The following YKT6 variants were observed in gnomAD, a reference collection of about 807,000 sequenced individuals.
YKT6 encodes YKT6 vesicular SNARE protein.
In YKT6, 12 loss-of-function variants were observed where a neutral mutation model predicts 29.3. That is an observed-to-expected ratio of 0.41 (90% CI 0.26 to 0.66). The LOEUF is 0.66. YKT6 is among the 30% of genes least tolerant of loss of function. The pLI, the probability that YKT6 is intolerant of heterozygous loss-of-function variation, is 0.32. For synonymous variants in YKT6, 86 were observed against 94.3 expected (o/e 0.91, Z 0.51); for missense variants, 188 against 243.8 (o/e 0.77, Z 1.52).
At position 44,211,003 on chromosome 7, in the gene YKT6, CTCTTT is replaced by C. The variant is rs2128840725; in HGVS notation, c.460-13_460-9del. ...GGCACGTACTGAACAGAGCTGGATTCTCTTTTCTTTTTTGTCCAGCACAACACCAT... is the reference window on the plus strand; with the variant it reads ...GGCACGTACTGAACAGAGCTGGATTCTCTTTTTTGTCCAGCACAACACCAT... On this transcript the variant is annotated splice_polypyrimidine_tract_variant and intron_variant, in intron 5 of 6. Transcript: ENST00000223369. The C allele has an allele frequency of 1.2e-6, 2 of 1,613,084 alleles. No homozygotes were observed. The highest frequency in any genetic ancestry group is 3.4e-4 in the Middle Eastern group (2 of 5,816).
At chr7:44,205,081 G>A (rs1194974800) in intron 2 of YKT6, among the ~76,000 whole-genome samples, 1 of 152,142 alleles carries the variant, frequency 6.6e-6, no homozygotes, top group Non-Finnish European at 1.5e-5. Context: ...ATTTAGATGT[G>A]TATGTTATAC....
chr7:44,205,422 G>A (rs1323865696), intron 2 of YKT6, among the ~76,000 whole-genome samples: 5 of 152,182 alleles, frequency 3.3e-5, no homozygotes, highest in African/African-American at 9.7e-5. Context: ...CCCCATGTTT[G>A]AATCTTAATT....
At chr7:44,203,278 G>C (rs564626983) in intron 1 of YKT6, among the ~76,000 whole-genome samples, 1 of 152,118 alleles carries the variant, frequency 6.6e-6, no homozygotes, top group African/African-American at 2.4e-5. Flanking sequence ...ATTTTTAGTA[G>C]AGATGGGGTT....
chr7:44,211,679 T>C (rs1050447368), intron 6 of YKT6: 6 of 947,416 alleles, frequency 6.3e-6, no homozygotes, highest in Non-Finnish European at 7.6e-6. Flanking sequence ...ACAAATTTAC[T>C]TGGTCTGTCC....
rs776602646 is a variant in YKT6, at chr7:44,201,214, T to C, written c.79T>C (p.Ser27Pro). ...GCTCAAAGCCGCATACGATGTGTCT[T>C]CCTTCAGCTTTTTCCAGAGATCCAG... ...VLLKAAYDVSSFSFFQRSSVQ... is the reference protein window; with the variant it reads ...VLLKAAYDVSPFSFFQRSSVQ... Residue 27 changes from serine (S) to proline (P), a missense_variant, in exon 1 of 7, where the codon TCC (serine) becomes CCC (proline). Coordinates refer to ENST00000223369, the MANE Select transcript of YKT6 (RefSeq NM_006555.4). 6.2e-7 allele frequency: 1 copy of C among 1,612,758 alleles called. No homozygotes were observed. The highest frequency in any genetic ancestry group is 8.5e-7 in the Non-Finnish European group (1 of 1,179,412).
chr7:44,212,520 A>G lies in YKT6; in HGVS notation c.*238A>G, dbSNP rs1364139604. On this transcript the variant is annotated 3_prime_UTR_variant, in exon 7 of 7. Coordinates refer to ENST00000223369, the MANE Select transcript of YKT6 (RefSeq NM_006555.4). ...TCCCCAAAGGTGTATTTTTGGGCAA[A>G]TGAAACCATAAACTCCGACTGGCTT... is the stretch of plus-strand genomic sequence containing the variant. 1.2e-5 allele frequency: 6 copies of G among 498,660 alleles called. No homozygotes were observed. The highest frequency in any genetic ancestry group is 3.2e-5 in the East Asian group (1 of 31,610). The allele number at this position is 498,660 out of a possible 1,614,324, so 30.9% of individuals were successfully genotyped here. A position where few individuals can be genotyped will look rare whatever the true frequency, so the allele number is the denominator to read the frequency against.
At chr7:44,205,313 C>T (rs1214965996) in intron 2 of YKT6, among the ~76,000 whole-genome samples, 5 of 152,220 alleles carry the variant, frequency 3.3e-5, no homozygotes. Flanking sequence ...TGTTCTTGCT[C>T]TGTTCTTCAA....
chr7:44,208,020 G>A (rs907498194), intron 4 of YKT6, 113 bp from the exon 5 acceptor site: 208 of 1,132,330 alleles, frequency 1.8e-4, no homozygotes, highest in Middle Eastern at 3.9e-4. Context: ...CACTGTGCCC[G>A]GCCCAGGCTG....
chr7:44,205,790 C>T (rs934737813), intron 2 of YKT6, among the ~76,000 whole-genome samples: 27 of 152,302 alleles, frequency 1.8e-4, no homozygotes, highest in Admixed American at 9.8e-4. Context: ...AGGATTTTAG[C>T]ACAGTGCTCT....
At position 44,212,350 on chromosome 7, in the gene YKT6, A is replaced by G. The variant is rs1283130405; in HGVS notation, c.*68A>G. ...CACATCAGAACTGCAGCCCCTGGAAAAGAAGAGACAGCCATAGACGAGGAG... is the reference window on the plus strand; with the variant it reads ...CACATCAGAACTGCAGCCCCTGGAAGAGAAGAGACAGCCATAGACGAGGAG... On this transcript the variant is annotated 3_prime_UTR_variant, in exon 7 of 7. Coordinates refer to ENST00000223369, the MANE Select transcript of YKT6 (RefSeq NM_006555.4). 3.8e-6 allele frequency: 6 copies of G among 1,587,464 alleles called. No individual in the cohort carries two copies. The highest frequency in any genetic ancestry group is 5.2e-6 in the Non-Finnish European group (6 of 1,160,112).
chr7:44,210,667 C>T (rs1185955250), intron 5 of YKT6: 14 of 356,884 alleles, frequency 3.9e-5, no homozygotes, highest in East Asian at 3.0e-4. Flanking sequence ...TCCATGCACA[C>T]GCACATGTGC....
intron 6 of YKT6, 30 bp downstream of exon 6, chr7:44,211,154 G>A: frequency 5.0e-6 from 8 of 1,603,730 alleles, no homozygotes; most frequent in Non-Finnish European, 6.8e-6. Context: ...TGCCTCCTGG[G>A]TGTTCTCTCT....
At chr7:44,210,537 A>C (rs1381468232) in intron 5 of YKT6, among the ~76,000 whole-genome samples, 1 of 152,228 alleles carries the variant, frequency 6.6e-6, no homozygotes, top group African/African-American at 2.4e-5. Context: ...AAATATGGTC[A>C]CATTCAGAGA....
chr7:44,206,270 T>G, intron 2 of YKT6, 115 bp from the exon 3 acceptor site: 2 of 1,011,896 alleles, frequency 2.0e-6, no homozygotes, highest in Non-Finnish European at 3.0e-6. Flanking sequence ...CCAGAGCTAT[T>G]GAGCTTCCGA....
chr7:44,203,786 C>A (rs1477123621), intron 1 of YKT6, among the ~76,000 whole-genome samples: 2 of 152,212 alleles, frequency 1.3e-5, no homozygotes, highest in Non-Finnish European at 2.9e-5. Flanking sequence ...CTATATGGCT[C>A]TGCTGGAGCC....
At chr7:44,205,792 C>T (rs1054399397) in intron 2 of YKT6, among the ~76,000 whole-genome samples, 8 of 152,206 alleles carry the variant, frequency 5.3e-5, no homozygotes, top group African/African-American at 1.9e-4. Context: ...GATTTTAGCA[C>T]AGTGCTCTGG....
rs188738792 is a variant in YKT6, at chr7:44,203,997, T to G, written c.105-571T>G. 6.3e-4 allele frequency among the ~76,000 whole-genome samples: 96 copies of G among 152,306 alleles called. 1 individual carries two copies. Among genetic ancestry groups the G allele is most frequent in the Admixed American group, 3.7e-3 (57 of 15,304 alleles). On this transcript the variant is annotated intron_variant, in intron 1 of 6. Coordinates refer to ENST00000223369, the MANE Select transcript of YKT6 (RefSeq NM_006555.4). ...CCCTTTGTATGAGCCATTTCCCACT[T>G]CTTTGTCTTGGATGAGCAGTTTTCC...
At chr7:44,203,425 T>TA (rs2096337884) in intron 1 of YKT6, among the ~76,000 whole-genome samples, 1 of 152,204 alleles carries the variant, frequency 6.6e-6, no homozygotes. Flanking sequence ...CCGCTTTACT[T>TA]ACGTCCTTTG....
Position 44,206,458 on chromosome 7 carries a change from C to G in YKT6, c.261C>G (p.Ser87=). The change falls in exon 3 of 7, where the codon TCC becomes TCG. Residue 87 remains serine, a synonymous_variant. Coordinates refer to ENST00000223369, the MANE Select transcript of YKT6 (RefSeq NM_006555.4). ...TCATTGCTGACAATGAATACCCATCCCGGGTGGCCTTTACCTTGCTGGAGA... is the reference window on the plus strand; with the variant it reads ...TCATTGCTGACAATGAATACCCATCGCGGGTGGCCTTTACCTTGCTGGAGA... ...GVVIADNEYP[S]RVAFTLLEKV... The G allele has an allele frequency of 6.2e-7, 1 of 1,614,016 alleles. No individual in the cohort carries two copies. Among genetic ancestry groups the G allele is most frequent in the Admixed American group, 1.7e-5 (1 of 60,014 alleles).
Sources: allele counts gnomAD v4.1 joint callset (sites outside exome capture counted in the v4.1 genomes callset), GRCh38; gene constraint gnomAD v4.1.1; transcripts MANE v1.5; gene names NCBI Gene and HGNC (gene_info 2026-07-23, HGNC 2026-07-21).